The following KCNH1 variants were observed in gnomAD, a reference collection of about 807,000 sequenced individuals.
The protein encoded by KCNH1 is voltage-gated delayed rectifier potassium channel KCNH1.
A neutral mutation model predicts 69.2 loss-of-function variants in KCNH1; 27 were observed. The ratio of observed to expected loss-of-function variants is 0.39; its 90% CI spans 0.29 to 0.54. The LOEUF (loss-of-function observed/expected upper bound fraction) is 0.54, where lower values mean the gene tolerates loss of function less well. Ranked by LOEUF, KCNH1 falls within the 20% of genes least tolerant of loss-of-function variation. KCNH1 has a pLI of 0.68. For missense variants in KCNH1, 798 were observed against 1,261.6 expected (o/e 0.63, Z 5.57); for synonymous variants, 456 against 487.7 (o/e 0.93, Z 0.86).
At chr1:210,756,707 G>A (rs1209305849) in intron 10 of KCNH1, among the ~76,000 whole-genome samples, 1 of 152,114 alleles carries the variant, frequency 6.6e-6, no homozygotes, top group East Asian at 1.9e-4. Context: ...GAACTCACTG[G>A]TGGCCCCCTG....
intron 10 of KCNH1, among the ~76,000 whole-genome samples, chr1:210,685,034 G>A (rs1681378997): frequency 6.6e-6 from 1 of 152,164 alleles, no homozygotes; most frequent in African/African-American, 2.4e-5. Flanking sequence ...TGGCCAGCAG[G>A]TAATGACTAA....
intron 6 of KCNH1, among the ~76,000 whole-genome samples, chr1:210,948,242 T>A (rs1428383535): frequency 6.6e-6 from 1 of 151,968 alleles, no homozygotes; most frequent in Admixed American, 6.6e-5. Context: ...AAGCATTTTT[T>A]ACATTATAAA....
At chr1:210,983,721 G>T (rs189249864) in intron 6 of KCNH1, among the ~76,000 whole-genome samples, 184 of 152,288 alleles carry the variant, frequency 1.2e-3, no homozygotes, top group African/African-American at 4.3e-3. Context: ...CTCCAGCTTT[G>T]TTCTTTTGGC....
intron 10 of KCNH1, among the ~76,000 whole-genome samples, chr1:210,753,873 CT>C (rs1683334879): frequency 6.6e-6 from 1 of 151,630 alleles, no homozygotes; most frequent in South Asian, 2.1e-4. Context: ...TAACATAACA[CT>C]TTGTAGGGTT....
chr1:211,027,432 C>T (rs990343522), intron 5 of KCNH1, among the ~76,000 whole-genome samples: 13 of 151,538 alleles, frequency 8.6e-5, no homozygotes, highest in Admixed American at 1.3e-4. Flanking sequence ...TAGTGAGACC[C>T]CATCTCTAGA....
rs564712308 is a variant in KCNH1 at position 210,888,555 on chromosome 1, G to C, written c.1462+31085C>G. 5.3e-5 allele frequency among the ~76,000 whole-genome samples: 8 copies of C among 152,202 alleles called. No homozygotes were observed. In the East Asian group the frequency reaches 1.5e-3, roughly 29 times the overall value. On this transcript the variant is annotated intron_variant, in intron 7 of 10. Coordinates refer to ENST00000271751, the MANE Select transcript of KCNH1 (RefSeq NM_172362.3). ...CTAGCAGAAGACAAGAAATAACTAA[G>C]ATGCGAGCAGAACTGAAGGAGACGG...
chr1:210,799,731 T>G (rs17260837), intron 8 of KCNH1, among the ~76,000 whole-genome samples: 26,643 of 152,200 alleles, frequency 0.18, 3,082 homozygotes, highest in Non-Finnish European at 0.26. Context: ...TCTGGGTACT[T>G]TCCCACCTCT....
At position 211,095,818 on chromosome 1, in the gene KCNH1, G is replaced by A. The variant is rs530070297; in HGVS notation, c.311-5128C>T. ...GGAGATGAATGACAAGTACAGAGAG[G>A]ATGAGACAGCACCAGAGGGATGTAA... is the stretch of plus-strand genomic sequence containing the variant. On this transcript the variant is annotated intron_variant, in intron 3 of 10. Transcript: ENST00000271751. Among the ~76,000 whole-genome samples the A allele has an allele frequency of 2.0e-5, 3 of 152,264 alleles. No individual in the cohort carries two copies. In the South Asian group the frequency reaches 6.2e-4, roughly 32 times the overall value.
chr1:211,000,818 T>G (rs962200653), intron 6 of KCNH1, among the ~76,000 whole-genome samples: 32 of 152,064 alleles, frequency 2.1e-4, no homozygotes, highest in African/African-American at 6.3e-4. Flanking sequence ...AACAGAGATA[T>G]AGATCAATGG....
chr1:210,702,109 C>T (rs546111829), intron 10 of KCNH1, among the ~76,000 whole-genome samples: 53 of 152,292 alleles, frequency 3.5e-4, no homozygotes, highest in African/African-American at 1.2e-3. Flanking sequence ...GATAGTCATT[C>T]TGATTACTAA....
intron 6 of KCNH1, among the ~76,000 whole-genome samples, chr1:210,948,601 G>A (rs973831874): frequency 5.3e-5 from 8 of 151,910 alleles, no homozygotes; most frequent in Non-Finnish European, 1.0e-4. Flanking sequence ...AGGCTGAGGC[G>A]GGCGGATCAC....
chr1:210,959,646 C>T (rs1688255868), intron 6 of KCNH1, among the ~76,000 whole-genome samples: 2 of 152,196 alleles, frequency 1.3e-5, no homozygotes, highest in South Asian at 4.1e-4. Flanking sequence ...GCTGCAGCCT[C>T]ACAGGTCAAT....
chr1:210,876,563 T>C (rs1309105334), intron 7 of KCNH1, among the ~76,000 whole-genome samples: 1 of 152,148 alleles, frequency 6.6e-6, no homozygotes, highest in African/African-American at 2.4e-5. Flanking sequence ...TGGGAAAAAT[T>C]GAAATATTTT....
At chr1:210,911,892 C>T (rs1012463990) in intron 7 of KCNH1, among the ~76,000 whole-genome samples, 1 of 152,062 alleles carries the variant, frequency 6.6e-6, no homozygotes, top group Non-Finnish European at 1.5e-5. Flanking sequence ...GCAATCTCTC[C>T]ACTGCCCTCT....
intron 5 of KCNH1, among the ~76,000 whole-genome samples, chr1:211,048,570 T>C (rs562428871): frequency 6.6e-6 from 1 of 152,288 alleles, no homozygotes; most frequent in African/African-American, 2.4e-5. Flanking sequence ...TGGAGACCAT[T>C]ATTCTAAGTG....
intron 6 of KCNH1, among the ~76,000 whole-genome samples, chr1:210,988,528 G>A (rs1052024153): frequency 7.2e-5 from 11 of 152,130 alleles, no homozygotes; most frequent in African/African-American, 2.7e-4. Context: ...AATAATACAT[G>A]CCATGTCTAT....
At position 211,012,037 on chromosome 1, in the gene KCNH1, G is replaced by A. The variant is rs1689404605; in HGVS notation, c.1032+6746C>T. 2.6e-5 allele frequency among the ~76,000 whole-genome samples: 4 copies of A among 152,322 alleles called. No homozygotes were observed. In the South Asian group the frequency reaches 8.3e-4, roughly 32 times the overall value. ...AATGCACTCATCCGCAGCACTTCCT[G>A]CTGCTAACAAGACACAGGAGTGAAA... On this transcript the variant is annotated intron_variant, in intron 6 of 10. Transcript: ENST00000271751.
intron 4 of KCNH1, among the ~76,000 whole-genome samples, chr1:211,090,215 C>T (rs1288633212): frequency 1.3e-5 from 2 of 152,188 alleles, no homozygotes; most frequent in Non-Finnish European, 1.5e-5. Flanking sequence ...TGAATGTAGC[C>T]ATAGACCACC....
intron 7 of KCNH1, among the ~76,000 whole-genome samples, chr1:210,870,804 C>G (rs925766125): frequency 2.6e-5 from 4 of 152,092 alleles, no homozygotes; most frequent in African/African-American, 9.7e-5. Context: ...GCCTTTTTCT[C>G]TATTTAGCTC....
Sources: allele counts gnomAD v4.1 joint callset (sites outside exome capture counted in the v4.1 genomes callset), GRCh38; gene constraint gnomAD v4.1.1; transcripts MANE v1.5; gene names NCBI Gene and HGNC (gene_info 2026-07-23, HGNC 2026-07-21).